The following GABRA2 variants were observed in gnomAD, a reference collection of about 807,000 sequenced individuals.
GABRA2 encodes gamma-aminobutyric acid receptor subunit alpha-2.
GABRA2 carries 16 observed loss-of-function variants against 48.7 expected under a neutral mutation model. The observed-to-expected ratio is 0.33, with a 90% confidence interval of 0.22 to 0.50. The LOEUF (loss-of-function observed/expected upper bound fraction) is 0.50. Among genes scored for constraint, GABRA2 ranks in the 20% least tolerant of loss-of-function variants. GABRA2 has a pLI of 0.98. For missense variants in GABRA2, 275 were observed against 535.6 expected, an observed-to-expected ratio of 0.51 and a Z score of 4.80; for synonymous variants, 185 against 184.5, an observed-to-expected ratio of 1.00 and a Z score of -0.02.
At chr4:46,278,142 A>AACATACACAC (rs1720848587) in intron 8 of GABRA2, among the ~76,000 whole-genome samples, 1 of 152,152 alleles carries the variant, frequency 6.6e-6, no homozygotes, top group Non-Finnish European at 1.5e-5. Flanking sequence ...ATTCAAGAAA[A>AACATACACAC]ACATACACAC....
At chr4:46,298,753 C>G (rs1725202737) in intron 8 of GABRA2, among the ~76,000 whole-genome samples, 1 of 151,726 alleles carries the variant, frequency 6.6e-6, no homozygotes, top group African/African-American at 2.4e-5. Flanking sequence ...CATAAGAGAA[C>G]AATGGAAGGG....
chr4:46,277,879 A>G (rs531328925), intron 8 of GABRA2, among the ~76,000 whole-genome samples: 1 of 152,288 alleles, frequency 6.6e-6, no homozygotes. Context: ...ATCTCCTGAT[A>G]TTTCATTGCC....
chr4:46,258,035 A>G (rs552756725), intron 9 of GABRA2, among the ~76,000 whole-genome samples: 1 of 151,888 alleles, frequency 6.6e-6, no homozygotes, highest in Admixed American at 6.6e-5. Flanking sequence ...TGAGGTTGAG[A>G]TGTTATATTC....
At chr4:46,363,685 A>G (rs1483398002) in intron 3 of GABRA2, 1 of 152,192 alleles carries the variant, frequency 6.6e-6, no homozygotes, top group Non-Finnish European at 1.5e-5. Context: ...GATTTTTAAT[A>G]AAGATATAAG....
At chr4:46,359,675 A>C (rs1351480580) in intron 3 of GABRA2, among the ~76,000 whole-genome samples, 1 of 152,082 alleles carries the variant, frequency 6.6e-6, no homozygotes, top group Admixed American at 6.6e-5. Context: ...AACTTAAAGA[A>C]TTGTAACCGA....
intron 3 of GABRA2, among the ~76,000 whole-genome samples, chr4:46,349,619 A>G (rs1404194697): frequency 6.6e-6 from 1 of 151,982 alleles, no homozygotes; most frequent in Non-Finnish European, 1.5e-5. Context: ...AACATTCCAA[A>G]GTTAAATGCA....
intron 8 of GABRA2, among the ~76,000 whole-genome samples, chr4:46,263,497 C>T (rs1304008691): frequency 3.3e-5 from 5 of 151,980 alleles, no homozygotes; most frequent in African/African-American, 7.2e-5. Context: ...TTTTGTTTCC[C>T]CATTAAATTA....
chr4:46,312,274 G>C (rs1461951967), intron 5 of GABRA2, among the ~76,000 whole-genome samples: 2 of 151,924 alleles, frequency 1.3e-5, no homozygotes, highest in South Asian at 2.1e-4. Context: ...AATAATAAAA[G>C]CAATTCTTAA....
intron 8 of GABRA2, among the ~76,000 whole-genome samples, chr4:46,294,120 T>A (rs896341876): frequency 1.3e-5 from 2 of 152,226 alleles, no homozygotes; most frequent in African/African-American, 4.8e-5. Flanking sequence ...ATCAGGGGTA[T>A]ATCAACTCTC....
intron 7 of GABRA2, among the ~76,000 whole-genome samples, chr4:46,303,821 A>T (rs2109628607): frequency 1.3e-5 from 2 of 152,328 alleles, no homozygotes; most frequent in South Asian, 4.2e-4. Context: ...CTTGCAGCTC[A>T]CGTCCCATGA....
At chr4:46,276,056 C>T (rs901037665) in intron 8 of GABRA2, among the ~76,000 whole-genome samples, 1 of 151,842 alleles carries the variant, frequency 6.6e-6, no homozygotes, top group South Asian at 2.1e-4. Context: ...TTTCTTAAAG[C>T]TTAAATGAAG....
At chr4:46,253,084 AG>A (rs1345853460) in intron 9 of GABRA2, among the ~76,000 whole-genome samples, 1 of 151,508 alleles carries the variant, frequency 6.6e-6, no homozygotes, top group African/African-American at 2.4e-5. Flanking sequence ...ACTCAAGGAA[AG>A]TTTGATGGAA....
chr4:46,326,390 C>T (rs1730377676), intron 4 of GABRA2, among the ~76,000 whole-genome samples: 1 of 151,834 alleles, frequency 6.6e-6, no homozygotes. Context: ...CCAAATAAGC[C>T]ATCTCACCTT....
intron 3 of GABRA2, among the ~76,000 whole-genome samples, chr4:46,360,969 G>A (rs1323884738): frequency 6.6e-6 from 1 of 152,160 alleles, no homozygotes. Flanking sequence ...GTATTTGGCA[G>A]AAGAAATTTC....
At chr4:46,256,349 A>G (rs1425245526) in intron 9 of GABRA2, 1 of 679,762 alleles carries the variant, frequency 1.5e-6, no homozygotes, top group Non-Finnish European at 2.7e-6. Flanking sequence ...TGTTAATGTA[A>G]TGCCTTCAGC....
At chr4:46,268,697 C>G (rs1481557667) in intron 8 of GABRA2, among the ~76,000 whole-genome samples, 2 of 151,758 alleles carry the variant, frequency 1.3e-5, no homozygotes, top group Non-Finnish European at 2.9e-5. Context: ...GAATTTACCC[C>G]AAAGACTTGA....
chr4:46,383,935 CTG>C (rs1181805391), intron 3 of GABRA2, among the ~76,000 whole-genome samples: 2 of 152,130 alleles, frequency 1.3e-5, no homozygotes, highest in African/African-American at 4.8e-5. Context: ...GAGAAATAGA[CTG>C]TGGAAATCCT....
intron 8 of GABRA2, among the ~76,000 whole-genome samples, chr4:46,298,938 G>A (rs1022963305): frequency 6.6e-6 from 1 of 150,866 alleles, no homozygotes; most frequent in South Asian, 2.1e-4. Context: ...AATATAGTGA[G>A]GGCATATTAT....
chr4:46,307,185 TTAAG>T (rs761580156), intron 6 of GABRA2, among the ~76,000 whole-genome samples: 24 of 152,034 alleles, frequency 1.6e-4, no homozygotes, highest in Non-Finnish European at 2.9e-4. Context: ...AGTTTTCTAA[TTAAG>T]TAATTTCAAT....
Sources: allele counts gnomAD v4.1 joint callset (sites outside exome capture counted in the v4.1 genomes callset), GRCh38; gene constraint gnomAD v4.1.1; transcripts MANE v1.5; gene names NCBI Gene and HGNC (gene_info 2026-07-23, HGNC 2026-07-21).